SHISA9: variants seen among roughly 807,000 people sequenced by gnomAD.
SHISA9 encodes the protein shisa family member 9.
Under a neutral mutation model 38.0 loss-of-function variants are expected in SHISA9, and 13 were observed. The ratio of observed to expected loss-of-function variants is 0.34; its 90% confidence interval spans 0.22 to 0.54. The LOEUF (loss-of-function observed/expected upper bound fraction) is 0.54, where lower values mean the gene tolerates loss of function less well. SHISA9 is among the 20% of genes least tolerant of loss of function. The pLI is 0.91. For missense variants in SHISA9, 538 were observed against 575.8 expected (o/e 0.93, Z 0.67); for synonymous variants, 275 against 242.0 (o/e 1.14, Z -1.27).
intron 2 of SHISA9, among the ~76,000 whole-genome samples, chr16:13,008,235 G>C (rs978326304): frequency 2.6e-5 from 4 of 152,028 alleles, no homozygotes; most frequent in Non-Finnish European, 1.5e-5. Flanking sequence ...CCTCTTCCAG[G>C]GGTCCAAATT....
At chr16:13,129,472 C>T (rs776624878) in intron 2 of SHISA9, among the ~76,000 whole-genome samples, 17 of 152,118 alleles carry the variant, frequency 1.1e-4, no homozygotes, top group African/African-American at 3.4e-4. Flanking sequence ...GACCAAGCTT[C>T]GTGTGGGAAA....
At chr16:13,523,613 A>G in the SHISA9 span, among the ~76,000 whole-genome samples, 1 of 152,176 alleles carries the variant, frequency 6.6e-6, no homozygotes, top group Non-Finnish European at 1.5e-5. Context: ...AGGAGCAAAC[A>G]AGAGCGATGG....
chr16:13,485,513 CATATTTTGAGGGTACTTGTGAT>C, the SHISA9 span, among the ~76,000 whole-genome samples: 3 of 151,958 alleles, frequency 2.0e-5, no homozygotes, highest in African/African-American at 4.8e-5. Flanking sequence ...AACAATTGTA[CATATTTTGAGGGTACTTGTGAT>C]ATATTTTGAG....
the SHISA9 span, among the ~76,000 whole-genome samples, chr16:13,418,511 G>C: frequency 6.6e-6 from 1 of 152,122 alleles, no homozygotes; most frequent in African/African-American, 2.4e-5. Flanking sequence ...TGGAACACTT[G>C]GGGTCTGACT....
intron 2 of SHISA9, among the ~76,000 whole-genome samples, chr16:12,944,913 C>A (rs915631959): frequency 6.6e-6 from 1 of 152,142 alleles, no homozygotes; most frequent in South Asian, 2.1e-4. Flanking sequence ...GATAGGGAAA[C>A]CCATCAAGGG....
intron 2 of SHISA9, among the ~76,000 whole-genome samples, chr16:13,184,467 T>A (rs1481757599): frequency 2.0e-5 from 3 of 152,244 alleles, no homozygotes; most frequent in African/African-American, 2.4e-5. Flanking sequence ...AAAAACTTTT[T>A]AAATTTACTT....
chr16:13,464,107 T>C, the SHISA9 span, among the ~76,000 whole-genome samples: 1 of 152,238 alleles, frequency 6.6e-6, no homozygotes, highest in African/African-American at 2.4e-5. Context: ...ATGCCTCAGT[T>C]ACCTTATCTT....
At chr16:13,451,541 A>C in the SHISA9 span, among the ~76,000 whole-genome samples, 1 of 152,230 alleles carries the variant, frequency 6.6e-6, no homozygotes, top group Non-Finnish European at 1.5e-5. Context: ...TATAATGGGC[A>C]GACCTGGTGA....
At chr16:12,916,111 C>T (rs370938586) in intron 1 of SHISA9, among the ~76,000 whole-genome samples, 1 of 147,864 alleles carries the variant, frequency 6.8e-6, no homozygotes, top group Non-Finnish European at 1.5e-5. Flanking sequence ...CAAAAATACT[C>T]AGGCTCAAAT....
At chr16:13,117,032 G>A (rs1430158409) in intron 2 of SHISA9, among the ~76,000 whole-genome samples, 3 of 152,048 alleles carry the variant, frequency 2.0e-5, no homozygotes, top group East Asian at 1.9e-4. Context: ...GTGCAGTGGC[G>A]AGTGATCTCG....
At chr16:12,945,835 C>T (rs1000014117) in intron 2 of SHISA9, among the ~76,000 whole-genome samples, 1 of 152,246 alleles carries the variant, frequency 6.6e-6, no homozygotes, top group African/African-American at 2.4e-5. Context: ...GTGGCTCACA[C>T]ATCCTGGCTC....
the SHISA9 span, among the ~76,000 whole-genome samples, chr16:13,495,411 TAAGA>T: frequency 1.3e-5 from 2 of 152,102 alleles, no homozygotes; most frequent in African/African-American, 4.8e-5. Flanking sequence ...AAATAAAAAT[TAAGA>T]AAGATAATAT....
At chr16:13,114,974 GTATC>G (rs962892743) in intron 2 of SHISA9, among the ~76,000 whole-genome samples, 11 of 150,740 alleles carry the variant, frequency 7.3e-5, no homozygotes, top group South Asian at 2.1e-4. Context: ...ATCTATATAT[GTATC>G]TATCTATCTA....
At chr16:13,272,029 C>T in the SHISA9 span, among the ~76,000 whole-genome samples, 1 of 149,456 alleles carries the variant, frequency 6.7e-6, no homozygotes, top group Non-Finnish European at 1.5e-5. Flanking sequence ...CAGTGAGCTG[C>T]GATTGTGCCA....
chr16:12,980,887 G>A (rs945848295), intron 2 of SHISA9, among the ~76,000 whole-genome samples: 10 of 151,896 alleles, frequency 6.6e-5, no homozygotes, highest in African/African-American at 2.4e-4. Context: ...TTTCATGCCT[G>A]ATATTTTAAA....
intron 2 of SHISA9, among the ~76,000 whole-genome samples, chr16:12,917,604 T>G (rs1205661031): frequency 6.6e-6 from 1 of 152,240 alleles, no homozygotes; most frequent in Non-Finnish European, 1.5e-5. Context: ...CCTATGAGAC[T>G]GGAGAAAAAA....
chr16:13,355,990 G>A, the SHISA9 span, among the ~76,000 whole-genome samples: 2 of 152,172 alleles, frequency 1.3e-5, no homozygotes, highest in Non-Finnish European at 1.5e-5. Context: ...CCCAGGCTGC[G>A]GGCATTCCTT....
the SHISA9 span, among the ~76,000 whole-genome samples, chr16:13,406,151 A>T: frequency 6.6e-6 from 1 of 152,174 alleles, no homozygotes; most frequent in Non-Finnish European, 1.5e-5. Context: ...CTTTTTGCAA[A>T]AATTCACCAA....
chr16:12,920,648 AAAC>A (rs1248202168), intron 2 of SHISA9, among the ~76,000 whole-genome samples: 5 of 152,308 alleles, frequency 3.3e-5, no homozygotes, highest in South Asian at 2.1e-4. Context: ...AGCAAACATA[AAAC>A]AACAACAACA....
Sources: gnomAD v4.1 joint callset for allele counts (sites outside exome capture counted in the v4.1 genomes callset) on GRCh38, gnomAD v4.1.1 for gene constraint, MANE v1.5 for transcripts, NCBI Gene and HGNC (gene_info 2026-07-23, HGNC 2026-07-21) for gene names.